The following DDX46 variants were observed in gnomAD, a reference collection of about 807,000 sequenced individuals.
DDX46 encodes probable ATP-dependent RNA helicase DDX46.
Under a neutral mutation model 134.9 loss-of-function variants are expected in DDX46, and 30 were observed. The ratio of observed to expected loss-of-function variants is 0.22; its 90% CI spans 0.17 to 0.30. DDX46 has a LOEUF of 0.30. DDX46 is among the 10% of genes least tolerant of loss of function. DDX46 has a pLI of 1.00. For missense variants in DDX46, 622 were observed against 1,248.7 expected (o/e 0.50, Z 7.56); for synonymous variants, 415 against 404.1 (o/e 1.03, Z -0.32).
At chr5:134,819,855 G>T (rs956280399) in intron 21 of DDX46, among the ~76,000 whole-genome samples, 10 of 151,688 alleles carry the variant, frequency 6.6e-5, no homozygotes, top group Admixed American at 1.3e-4. Flanking sequence ...TTTCTGATGT[G>T]TTACTCTACT....
Position 134,816,490 on chromosome 5 carries a change from C to G in DDX46, c.2497C>G (p.Pro833Ala), listed in dbSNP as rs1465582464. 2.5e-6 allele frequency: 4 copies of G among 1,613,892 alleles called. No homozygotes were observed. Among genetic ancestry groups the G allele is most frequent in the Non-Finnish European group, 3.4e-6 (4 of 1,179,966 alleles). ...SKKRVKDMAA[P>A]GTSSVPAPTA... ...GAAGAGAGTAAAGGATATGGCTGCT[C>G]CTGGAACATCAAGTGTTCCTGCTCC... Residue 833 changes from proline to alanine, a missense_variant, in exon 19 of 23, where the codon CCT (proline) becomes GCT (alanine). By Grantham distance (27) the Pro-to-Ala change is conservative. This residue lies in a region of DDX46 where 18 missense variants were observed against 17.0 expected (regional missense o/e 1.06). Transcript: ENST00000452510.
rs192308647 is a variant in DDX46, at chr5:134,823,661, A to G, written c.2978-3286A>G. Among the ~76,000 whole-genome samples the G allele has an allele frequency of 4.0e-3, 602 of 152,334 alleles. 5 individuals are homozygous for G. Among genetic ancestry groups the G allele is most frequent in the African/African-American group, 0.014 (573 of 41,578 alleles). ...ATCCTGAAATACTTTTGGTCTGCCA[A>G]TGACCCAGTATGTTTCTAACTCAGG... On this transcript the variant is annotated intron_variant, in intron 21 of 22. Transcript: ENST00000452510.
At chr5:134,804,951 C>T (rs1754938376) in intron 15 of DDX46, 1 of 346,854 alleles carries the variant, frequency 2.9e-6, no homozygotes, top group Admixed American at 3.0e-5. Flanking sequence ...AATATTAGAT[C>T]TCACAACACA....
Position 134,781,115 on chromosome 5 carries a change from A to G in DDX46, c.766-18A>G. 6.4e-7 allele frequency: 1 copy of G among 1,551,260 alleles called. No homozygotes were observed. Among genetic ancestry groups the G allele is most frequent in the Non-Finnish European group, 8.7e-7 (1 of 1,154,260 alleles). On this transcript the variant is annotated intron_variant, in intron 6 of 22. Transcript: ENST00000452510. ...GTTTCAGCTTTGCAAAATATTCTAT[A>G]TTTGTTCTTTATTTTAGAAGTCTGG...
intron 15 of DDX46, among the ~76,000 whole-genome samples, chr5:134,801,245 C>T (rs1489318948): frequency 6.6e-6 from 1 of 151,986 alleles, no homozygotes; most frequent in African/African-American, 2.4e-5. Flanking sequence ...ACTGTACTCC[C>T]ACCTTGGCGA....
At chr5:134,772,622 G>T (rs1393379124) in intron 4 of DDX46, among the ~76,000 whole-genome samples, 2 of 152,142 alleles carry the variant, frequency 1.3e-5, no homozygotes, top group Non-Finnish European at 2.9e-5. Flanking sequence ...CCCTGCCTCA[G>T]CCTCCTGAGT....
chr5:134,790,410 A>T, intron 12 of DDX46, 60 bp from the exon 13 acceptor site: 1 of 1,491,940 alleles, frequency 6.7e-7, no homozygotes, highest in Admixed American at 2.0e-5. Context: ...TGGTAGCCAT[A>T]AAATGAATTG....
At chr5:134,765,949 G>A (rs1434487840) in intron 2 of DDX46, among the ~76,000 whole-genome samples, 1 of 152,162 alleles carries the variant, frequency 6.6e-6, no homozygotes, top group Non-Finnish European at 1.5e-5. Context: ...GGGTGTGAAA[G>A]TAGAATCACA....
At chr5:134,824,791 T>C (rs1490400729) in intron 21 of DDX46, among the ~76,000 whole-genome samples, 4 of 152,232 alleles carry the variant, frequency 2.6e-5, no homozygotes, top group Non-Finnish European at 5.9e-5. Flanking sequence ...CATCTGTTTC[T>C]AGTTCTGTAA....
chr5:134,758,968 G>T lies in DDX46; in HGVS notation c.17+13G>T, dbSNP rs372872333. On this transcript the variant is annotated intron_variant, in intron 1 of 22. Coordinates refer to ENST00000452510, the MANE Select transcript of DDX46 (RefSeq NM_001300860.2). ...GTCGGGAGTCACGGTGAGGCAGAGC[G>T]CCGAGCGGGCTAGCGGGCGAGCGGC... 3.1e-6 allele frequency: 5 copies of T among 1,610,696 alleles called. No homozygotes were observed. Among genetic ancestry groups the T allele is most frequent in the East Asian group, 2.2e-5 (1 of 44,878 alleles).
intron 15 of DDX46, among the ~76,000 whole-genome samples, chr5:134,800,972 G>T (rs527905344): frequency 2.0e-5 from 3 of 152,134 alleles, no homozygotes; most frequent in Non-Finnish European, 4.4e-5. Context: ...ACCACACCTG[G>T]CCTCATGTAT....
intron 21 of DDX46, among the ~76,000 whole-genome samples, chr5:134,825,185 A>G (rs1277607100): frequency 6.6e-6 from 1 of 152,196 alleles, no homozygotes; most frequent in African/African-American, 2.4e-5. Context: ...AAGTTGCACA[A>G]AAATATCAAC....
At position 134,807,853 on chromosome 5, in the gene DDX46, A is replaced by G. The variant is rs1365874991; in HGVS notation, c.2060A>G (p.His687Arg). Residue 687 changes from histidine to arginine, a missense_variant, in exon 16 of 23, where the codon CAT becomes CGT. By Grantham distance (29) the His-to-Arg change is conservative. Transcript: ENST00000452510. ...SVAARGLDVK[H>R]LILVVNYSCP... is the part of the protein sequence containing the mutation. The stretch of plus-strand genomic sequence containing the variant: ...GCTGCCCGAGGTCTAGATGTGAAAC[A>G]TCTGATTCTTGTAGTAAATTATAGC... 6.2e-7 allele frequency: 1 copy of G among 1,614,208 alleles called. No individual in the cohort carries two copies. The highest frequency in any genetic ancestry group is 8.5e-7 in the Non-Finnish European group (1 of 1,180,026).
chr5:134,828,765 C>A lies in DDX46; in HGVS notation c.*59C>A. On this transcript the variant is annotated 3_prime_UTR_variant, in exon 23 of 23. Transcript: ENST00000452510. ...CTATGATGTATGTGGCAGTTGCTGT[C>A]TGCAGTTTACAATGTATTGTAAATG... 8.2e-7 allele frequency: 1 copy of A among 1,225,694 alleles called. No individual in the cohort carries two copies. Among genetic ancestry groups the A allele is most frequent in the Non-Finnish European group, 1.1e-6 (1 of 916,030 alleles). The allele number at this position is 1,225,694 out of a possible 1,614,324, so 75.9% of individuals were successfully genotyped here. A position where few individuals can be genotyped will look rare whatever the true frequency, so the allele number is the denominator to read the frequency against.
At chr5:134,776,596 A>G (rs1000603053) in intron 5 of DDX46, among the ~76,000 whole-genome samples, 4 of 152,040 alleles carry the variant, frequency 2.6e-5, no homozygotes, top group South Asian at 2.1e-4. Context: ...GTTCAAACCT[A>G]TGTTGTTCAG....
intron 12 of DDX46, 81 bp downstream of exon 12, chr5:134,788,672 C>G: frequency 2.4e-6 from 3 of 1,229,950 alleles, no homozygotes; most frequent in Non-Finnish European, 3.5e-6. Flanking sequence ...AAGAAACCAA[C>G]AAAGGGTTTC....
At chr5:134,763,212 A>G (rs1753450541) in intron 1 of DDX46, among the ~76,000 whole-genome samples, 1 of 152,180 alleles carries the variant, frequency 6.6e-6, no homozygotes, top group Non-Finnish European at 1.5e-5. Flanking sequence ...TATCCTGGAT[A>G]ATAGAGTGAG....
intron 15 of DDX46, among the ~76,000 whole-genome samples, chr5:134,799,717 G>A (rs1370914939): frequency 6.8e-6 from 1 of 147,246 alleles, no homozygotes; most frequent in Admixed American, 6.9e-5. Flanking sequence ...TGGTGTGGGC[G>A]ACAAAAGCGA....
chr5:134,791,388 A>T (rs762177110), intron 13 of DDX46, among the ~76,000 whole-genome samples: 2 of 152,118 alleles, frequency 1.3e-5, no homozygotes, highest in Non-Finnish European at 2.9e-5. Context: ...GTGAAACCTC[A>T]TATCTACTAA....
Sources: allele counts gnomAD v4.1 joint callset (sites outside exome capture counted in the v4.1 genomes callset), GRCh38; gene constraint gnomAD v4.1.1; regional missense constraint gnomAD v4.1.1; transcripts MANE v1.5; gene names NCBI Gene and HGNC (gene_info 2026-07-23, HGNC 2026-07-21).